The following TBC1D8 variants were observed in gnomAD, a reference collection of about 807,000 sequenced individuals.
TBC1D8 encodes TBC1 domain family member 8, also known as BUB2-like protein 1.
A neutral mutation model predicts 118.8 loss-of-function variants in TBC1D8; 65 were observed. The ratio of observed to expected loss-of-function variants is 0.55; its 90% CI spans 0.45 to 0.67. The LOEUF (loss-of-function observed/expected upper bound fraction) is 0.67, where lower values mean the gene tolerates loss of function less well. TBC1D8 is among the 30% of genes least tolerant of loss of function. TBC1D8 has a pLI of 0.00. For synonymous variants in TBC1D8, 566 were observed against 595.8 expected (o/e 0.95, Z 0.73); for missense variants, 1,376 against 1,471.2 (o/e 0.94, Z 1.06).
intron 1 of TBC1D8, among the ~76,000 whole-genome samples, chr2:101,117,448 C>T (rs1394359177): frequency 2.0e-5 from 3 of 152,104 alleles, no homozygotes; most frequent in Non-Finnish European, 2.9e-5. Flanking sequence ...TAGTCATTAA[C>T]GTTGCTATTT....
Position 101,090,287 on chromosome 2 carries a change from G to T in TBC1D8, c.205C>A (p.Pro69Thr), listed in dbSNP as rs1422122794. Reference sequence around the variant, plus strand: ...ATGGGAGAATAAACCTGGGAGCCGGGAACTTGAAGCAGAATTCGAAATGGA... The same window carrying T: ...ATGGGAGAATAAACCTGGGAGCCGGTAACTTGAAGCAGAATTCGAAATGGA... ...VAPFRILLQV[P>T]GSQVYSPIAC... Residue 69 changes from proline to threonine, a missense_variant, in exon 2 of 20, where the codon CCC becomes ACC. Physicochemically the swap from Pro to Thr is conservative, Grantham distance 38. Coordinates refer to ENST00000409318, the MANE Select transcript of TBC1D8 (RefSeq NM_001330348.2). The T allele has an allele frequency of 3.1e-6, 5 of 1,613,872 alleles. No homozygotes were observed. Among genetic ancestry groups the T allele is most frequent in the Non-Finnish European group, 4.2e-6 (5 of 1,179,894 alleles).
At chr2:101,033,803 T>C in intron 9 of TBC1D8, 45 bp from the exon 10 acceptor site, 1 of 1,579,568 alleles carries the variant, frequency 6.3e-7, no homozygotes, top group Non-Finnish European at 8.6e-7. Flanking sequence ...ATTACTAGGA[T>C]GGTGTCATGA....
chr2:101,138,669 G>A (rs1310589462), intron 1 of TBC1D8, among the ~76,000 whole-genome samples: 4 of 152,322 alleles, frequency 2.6e-5, no homozygotes, highest in Non-Finnish European at 5.9e-5. Context: ...ACAGCCAGAT[G>A]AAGAGATACA....
At chr2:101,059,773 A>T (rs1289706512) in intron 2 of TBC1D8, among the ~76,000 whole-genome samples, 1 of 152,114 alleles carries the variant, frequency 6.6e-6, no homozygotes, top group African/African-American at 2.4e-5. Context: ...CTCTGTCTCT[A>T]CTAAAAATGC....
At chr2:101,029,089 G>A (rs372748249) in intron 12 of TBC1D8, among the ~76,000 whole-genome samples, 18 of 152,272 alleles carry the variant, frequency 1.2e-4, no homozygotes, top group African/African-American at 3.6e-4. Context: ...AGGCTGAGAC[G>A]AACAGAAAAC....
intron 2 of TBC1D8, among the ~76,000 whole-genome samples, chr2:101,063,984 G>A (rs1682894727): frequency 1.3e-5 from 2 of 152,136 alleles, no homozygotes; most frequent in African/African-American, 4.8e-5. Context: ...GAAGACGCAG[G>A]ATGATAAAAA....
chr2:101,140,373 C>A (rs754637623), intron 1 of TBC1D8, among the ~76,000 whole-genome samples: 1 of 152,164 alleles, frequency 6.6e-6, no homozygotes, highest in East Asian at 1.9e-4. Flanking sequence ...AAATGACACA[C>A]CCCACGCATG....
chr2:101,144,920 A>G (rs1679259055), intron 1 of TBC1D8, among the ~76,000 whole-genome samples: 1 of 152,252 alleles, frequency 6.6e-6, no homozygotes. Context: ...CCTGGGCAAC[A>G]GAGCGAGACT....
At chr2:101,071,232 C>G (rs1484498719) in intron 2 of TBC1D8, among the ~76,000 whole-genome samples, 1 of 152,134 alleles carries the variant, frequency 6.6e-6, no homozygotes, top group South Asian at 2.1e-4. Context: ...ATAGTCCCAG[C>G]TACTCGGGAG....
intron 1 of TBC1D8, among the ~76,000 whole-genome samples, chr2:101,124,782 G>A (rs1318408038): frequency 1.3e-5 from 2 of 152,142 alleles, no homozygotes; most frequent in African/African-American, 2.4e-5. Flanking sequence ...CATTACTTAG[G>A]AAGCTGTGGA....
intron 1 of TBC1D8, among the ~76,000 whole-genome samples, chr2:101,134,193 TCTCTC>T (rs1678731575): frequency 1.6e-4 from 20 of 122,384 alleles, no homozygotes; most frequent in Non-Finnish European, 2.8e-4. Context: ...TCTCTCTCTC[TCTCTC>T]ACACACACAC....
intron 2 of TBC1D8, among the ~76,000 whole-genome samples, chr2:101,069,417 T>C (rs879778781): frequency 1.3e-5 from 2 of 151,768 alleles, no homozygotes; most frequent in Non-Finnish European, 2.9e-5. Flanking sequence ...AGAAATCCCG[T>C]CTCTACTAAA....
At chr2:101,110,533 T>C (rs974872071) in intron 1 of TBC1D8, among the ~76,000 whole-genome samples, 14 of 152,124 alleles carry the variant, frequency 9.2e-5, no homozygotes, top group African/African-American at 2.9e-4. Context: ...CTTCTCACTA[T>C]ACACAAGCCG....
intron 2 of TBC1D8, among the ~76,000 whole-genome samples, chr2:101,064,487 A>G (rs1682919592): frequency 6.6e-6 from 1 of 152,200 alleles, no homozygotes; most frequent in Non-Finnish European, 1.5e-5. Context: ...GTCTAAAACC[A>G]AAATTTATAG....
chr2:101,142,253 C>T (rs1417237795), intron 1 of TBC1D8, among the ~76,000 whole-genome samples: 1 of 152,142 alleles, frequency 6.6e-6, no homozygotes, highest in African/African-American at 2.4e-5. Context: ...ATAGCTATGA[C>T]CCAGTATTAG....
intron 7 of TBC1D8, 37 bp downstream of exon 7, chr2:101,038,424 T>A: frequency 6.2e-7 from 1 of 1,600,204 alleles, no homozygotes; most frequent in Non-Finnish European, 8.5e-7. Flanking sequence ...GCCTGAGACA[T>A]GAAGAAGGGG....
chr2:101,076,858 C>T (rs1482087123), intron 2 of TBC1D8, among the ~76,000 whole-genome samples: 2 of 152,178 alleles, frequency 1.3e-5, no homozygotes, highest in Non-Finnish European at 2.9e-5. Context: ...TCTGTTCCCA[C>T]ATTGCTATAA....
intron 17 of TBC1D8, chr2:101,019,165 GC>G: frequency 7.4e-7 from 1 of 1,343,552 alleles, no homozygotes; most frequent in Non-Finnish European, 1.0e-6. Flanking sequence ...CTGGCAGAGG[GC>G]CAGGCCTGTT....
At chr2:101,063,271 C>T (rs1322467643) in intron 2 of TBC1D8, among the ~76,000 whole-genome samples, 2 of 152,192 alleles carry the variant, frequency 1.3e-5, no homozygotes, top group Non-Finnish European at 2.9e-5. Flanking sequence ...CATCAAAAAA[C>T]TAGACTTTTA....
Sources: allele counts gnomAD v4.1 joint callset (sites outside exome capture counted in the v4.1 genomes callset), GRCh38; gene constraint gnomAD v4.1.1; transcripts MANE v1.5; gene names NCBI Gene and HGNC (gene_info 2026-07-23, HGNC 2026-07-21).